The following ACSF2 variants were observed in gnomAD, a reference collection of about 807,000 sequenced individuals.
ACSF2 encodes the protein acyl-CoA synthetase family member 2.
A neutral mutation model predicts 79.3 loss-of-function variants in ACSF2; 52 were observed. That is an observed-to-expected ratio of 0.66 (90% confidence interval 0.53 to 0.83). The LOEUF (loss-of-function observed/expected upper bound fraction) is 0.83, where lower values mean the gene tolerates loss of function less well. ACSF2 is among the 40% of genes least tolerant of loss of function. The pLI is 0.00. For synonymous variants in ACSF2, 283 were observed against 312.6 expected (o/e 0.91, Z 1.00); for missense variants, 661 against 803.3 (o/e 0.82, Z 2.14).
At chr17:50,454,787 C>T (rs547032417) in intron 1 of ACSF2, among the ~76,000 whole-genome samples, 3 of 152,248 alleles carry the variant, frequency 2.0e-5, no homozygotes, top group South Asian at 2.1e-4. Flanking sequence ...GTTTCTGTCA[C>T]ACCACCTGTC....
chr17:50,426,829 C>A, intron 1 of ACSF2: 1 of 1,432,018 alleles, frequency 7.0e-7, no homozygotes, highest in Non-Finnish European at 9.5e-7. Flanking sequence ...AGTCTCCTGT[C>A]TCCTCATCAG....
At chr17:50,427,734 A>C (rs765234664) in intron 1 of ACSF2, among the ~76,000 whole-genome samples, 25 of 152,150 alleles carry the variant, frequency 1.6e-4, no homozygotes, top group Admixed American at 4.6e-4. Context: ...ACAAACAAAC[A>C]AACCAATAAA....
intron 2 of ACSF2, 126 bp downstream of exon 2, chr17:50,460,998 A>C (rs55706027): frequency 9.0e-6 from 11 of 1,222,746 alleles, no homozygotes; most frequent in Non-Finnish European, 1.2e-5. Context: ...GAGAACCCCG[A>C]GGGATGGCAG....
At chr17:50,456,320 C>T (rs1180674648) in intron 1 of ACSF2, among the ~76,000 whole-genome samples, 1 of 152,138 alleles carries the variant, frequency 6.6e-6, no homozygotes, top group African/African-American at 2.4e-5. Flanking sequence ...TGACCTGGAG[C>T]CTTGGCACAG....
At chr17:50,434,207 T>G (rs1301891435) in intron 1 of ACSF2, among the ~76,000 whole-genome samples, 1 of 151,866 alleles carries the variant, frequency 6.6e-6, no homozygotes, top group Non-Finnish European at 1.5e-5. Flanking sequence ...TGGTTCCAGC[T>G]TCCTGGGGGA....
chr17:50,429,925 G>A (rs1349624575), intron 1 of ACSF2, among the ~76,000 whole-genome samples: 2 of 152,226 alleles, frequency 1.3e-5, no homozygotes, highest in Non-Finnish European at 2.9e-5. Context: ...CAAAGAAGGT[G>A]GATGGCTTAG....
At chr17:50,441,448 T>A (rs1306376052) in intron 1 of ACSF2, among the ~76,000 whole-genome samples, 1 of 152,246 alleles carries the variant, frequency 6.6e-6, no homozygotes, top group African/African-American at 2.4e-5. Flanking sequence ...GTGGTGAGAT[T>A]ACAGGCGTGA....
At chr17:50,468,160 T>C in intron 10 of ACSF2, 1 of 1,614,198 alleles carries the variant, frequency 6.2e-7, no homozygotes. Context: ...CCACCACCCG[T>C]AGCTTGCTCA....
intron 10 of ACSF2, chr17:50,468,937 G>A (rs1191291235): frequency 2.1e-6 from 3 of 1,407,622 alleles, no homozygotes; most frequent in Non-Finnish European, 2.8e-6. Flanking sequence ...GCCGGCAGCC[G>A]AGCCAGCTCC....
chr17:50,467,600 T>C (rs2032819829), intron 10 of ACSF2, among the ~76,000 whole-genome samples: 1 of 152,198 alleles, frequency 6.6e-6, no homozygotes, highest in Admixed American at 6.5e-5. Context: ...AGGGTCTCTT[T>C]GTGGGCCTGA....
intron 10 of ACSF2, chr17:50,469,055 A>T: frequency 1.5e-6 from 2 of 1,300,362 alleles, no homozygotes; most frequent in South Asian, 2.2e-5. Flanking sequence ...GCTACCGTGC[A>T]TGAGGGGGTG....
At chr17:50,446,079 GA>G (rs2031279996) in intron 1 of ACSF2, among the ~76,000 whole-genome samples, 1 of 152,234 alleles carries the variant, frequency 6.6e-6, no homozygotes, top group Non-Finnish European at 1.5e-5. Flanking sequence ...CAGAGATCAT[GA>G]ACAGATGTGT....
intron 1 of ACSF2, among the ~76,000 whole-genome samples, chr17:50,452,789 G>T (rs910914259): frequency 6.6e-6 from 1 of 152,190 alleles, no homozygotes; most frequent in Admixed American, 6.5e-5. Context: ...TTCCTCTTTC[G>T]AAATGATGGG....
chr17:50,435,409 C>CTTT (rs749269490), intron 1 of ACSF2, among the ~76,000 whole-genome samples: 44 of 145,244 alleles, frequency 3.0e-4, no homozygotes, highest in Admixed American at 4.8e-4. Flanking sequence ...TTTTTTAATC[C>CTTT]TTTTTTTTTT....
chr17:50,469,742 G>A (rs899556054), intron 10 of ACSF2, among the ~76,000 whole-genome samples: 4 of 152,310 alleles, frequency 2.6e-5, no homozygotes, highest in Admixed American at 1.3e-4. Context: ...GGGTCTCAGG[G>A]TGGCGGCTGA....
chr17:50,468,316 G>T, intron 10 of ACSF2: 1 of 1,614,012 alleles, frequency 6.2e-7, no homozygotes, highest in Non-Finnish European at 8.5e-7. Flanking sequence ...CTCCCTGGAA[G>T]GCGCCTGCGC....
Position 50,464,818 on chromosome 17 carries a change from G to A in ACSF2, c.1215+524G>A, listed in dbSNP as rs1244400773. On this transcript the variant is annotated intron_variant, in intron 10 of 15. Coordinates refer to ENST00000300441, the MANE Select transcript of ACSF2 (RefSeq NM_025149.6). ...TTCTCCAAGAGGAGCTGGAGGGTGG[G>A]GAAGGCATGAAGGCTGGGGAGAGGC... 1.1e-5 allele frequency: 4 copies of A among 357,688 alleles called. No individual in the cohort carries two copies. The Admixed American group carries it at 1.5e-4, about 13-fold the overall frequency. 22.2% of individuals were successfully genotyped at this position (357,688 alleles called of 1,614,324 possible).
chr17:50,446,677 T>A (rs1049966394), intron 1 of ACSF2, among the ~76,000 whole-genome samples: 2 of 152,216 alleles, frequency 1.3e-5, no homozygotes, highest in African/African-American at 4.8e-5. Flanking sequence ...TCACTGACCC[T>A]CACCAACTGA....
At chr17:50,464,674 A>T in intron 10 of ACSF2, 1 of 456,616 alleles carries the variant, frequency 2.2e-6, no homozygotes, top group Non-Finnish European at 4.3e-6. Context: ...GGATCTGATG[A>T]TTGTTTCCAC....
Sources: gnomAD v4.1 joint callset for allele counts (sites outside exome capture counted in the v4.1 genomes callset) on GRCh38, gnomAD v4.1.1 for gene constraint, MANE v1.5 for transcripts, NCBI Gene and HGNC (gene_info 2026-07-23, HGNC 2026-07-21) for gene names.